UTS2B: variants seen among roughly 807,000 people sequenced by gnomAD.
UTS2B encodes urotensin-2B.
UTS2B carries 21 observed loss-of-function variants against 19.2 expected under a neutral mutation model. That is an observed-to-expected ratio of 1.09 (90% CI 0.78 to 1.58). The LOEUF (loss-of-function observed/expected upper bound fraction) is 1.58. Ranked by LOEUF, UTS2B falls within the 40% of genes most tolerant of loss-of-function variation. The pLI is 0.00. For synonymous variants in UTS2B, 57 were observed against 50.2 expected (o/e 1.14, Z -0.58); for missense variants, 138 against 130.3 (o/e 1.06, Z -0.29).
chr3:191,332,280 A>G (rs369474582), upstream of UTS2B, among the ~76,000 whole-genome samples: 1 of 152,198 alleles, frequency 6.6e-6, no homozygotes, highest in East Asian at 1.9e-4. Flanking sequence ...CATCATTTGG[A>G]CAGACCTTTT....
At chr3:191,286,239 T>C (rs899456297) in intron 4 of UTS2B, among the ~76,000 whole-genome samples, 5 of 152,118 alleles carry the variant, frequency 3.3e-5, no homozygotes, top group African/African-American at 1.2e-4. Flanking sequence ...AGAAAATCAA[T>C]AGGGAAGCAT....
intron 4 of UTS2B, among the ~76,000 whole-genome samples, chr3:191,285,695 A>G (rs1404787671): frequency 6.6e-6 from 1 of 152,068 alleles, no homozygotes; most frequent in African/African-American, 2.4e-5. Context: ...AGGACAGGAG[A>G]TCAAGACCAT....
At chr3:191,304,104 T>TGC (rs1279727431) in intron 4 of UTS2B, among the ~76,000 whole-genome samples, 1 of 152,054 alleles carries the variant, frequency 6.6e-6, no homozygotes, top group East Asian at 1.9e-4. Flanking sequence ...ATTACAGGCA[T>TGC]GCGCCACCAT....
chr3:191,287,445 T>C (rs1203852381), intron 4 of UTS2B, among the ~76,000 whole-genome samples: 3 of 152,064 alleles, frequency 2.0e-5, no homozygotes, highest in Admixed American at 1.3e-4. Context: ...AAGGATGTTT[T>C]ACATACACAA....
chr3:191,311,649 C>T (rs1024586912), intron 3 of UTS2B, among the ~76,000 whole-genome samples: 5 of 152,240 alleles, frequency 3.3e-5, no homozygotes, highest in African/African-American at 1.2e-4. Flanking sequence ...GTAGCAGCAT[C>T]TTCCACTGAT....
intron 3 of UTS2B, among the ~76,000 whole-genome samples, chr3:191,308,198 C>T (rs1323633573): frequency 2.6e-5 from 4 of 152,104 alleles, no homozygotes; most frequent in African/African-American, 4.8e-5. Context: ...ATGAGAATGG[C>T]GAGAGCTATC....
chr3:191,276,749 A>G (rs1716246246), intron 7 of UTS2B, 58 bp downstream of exon 7: 1 of 1,429,818 alleles, frequency 7.0e-7, no homozygotes, highest in Admixed American at 1.9e-5. Context: ...TTGTGTCAAG[A>G]AGAAATTTCC....
chr3:191,318,080 T>G (rs1717515572), intron 2 of UTS2B, among the ~76,000 whole-genome samples: 1 of 152,206 alleles, frequency 6.6e-6, no homozygotes, highest in Non-Finnish European at 1.5e-5. Flanking sequence ...TGGAGGGTTA[T>G]AATGTCGTAC....
Position 191,305,925 on chromosome 3 carries a change from T to C in UTS2B, c.-181-1377A>G, listed in dbSNP as rs1226037663. 2.6e-5 allele frequency among the ~76,000 whole-genome samples: 4 copies of C among 152,314 alleles called. No homozygotes were observed. The South Asian group carries it at 8.3e-4, about 32-fold the overall frequency. ...CACCATTTATTAAATAAGACTTTTT[T>C]CCCCGTTGCTTTTTTTTGGGGGGTC... is the stretch of plus-strand genomic sequence containing the variant. On this transcript the variant is annotated intron_variant, in intron 3 of 8. Coordinates refer to ENST00000340524, the MANE Select transcript of UTS2B (RefSeq NM_198152.5).
intron 4 of UTS2B, among the ~76,000 whole-genome samples, chr3:191,298,250 C>T (rs1716907641): frequency 1.3e-5 from 2 of 152,112 alleles, no homozygotes; most frequent in Admixed American, 6.5e-5. Flanking sequence ...ACAGTCACTG[C>T]TTTAACTTGG....
intron 2 of UTS2B, among the ~76,000 whole-genome samples, chr3:191,323,232 A>G (rs1717657223): frequency 6.6e-6 from 1 of 152,056 alleles, no homozygotes. Flanking sequence ...TCTGTTGCCC[A>G]GGCTAGAGAT....
intron 4 of UTS2B, among the ~76,000 whole-genome samples, chr3:191,285,658 T>A (rs1716523738): frequency 6.6e-6 from 1 of 152,112 alleles, no homozygotes; most frequent in Non-Finnish European, 1.5e-5. Context: ...TCTCAGCACT[T>A]TGGGAGGCTG....
intron 4 of UTS2B, among the ~76,000 whole-genome samples, chr3:191,289,447 T>TAAATAAATAAATA: frequency 6.9e-6 from 1 of 144,668 alleles, no homozygotes; most frequent in East Asian, 2.0e-4. Flanking sequence ...AATAAATAAA[T>TAAATAAATAAATA]AAAAAACAAA....
chr3:191,337,505 C>T, the UTS2B span, among the ~76,000 whole-genome samples: 1 of 151,924 alleles, frequency 6.6e-6, no homozygotes, highest in Non-Finnish European at 1.5e-5. Context: ...CCACTATGCC[C>T]AGCTAATTTT....
At chr3:191,315,834 T>C (rs1000282294) in intron 3 of UTS2B, among the ~76,000 whole-genome samples, 3 of 152,232 alleles carry the variant, frequency 2.0e-5, no homozygotes. Flanking sequence ...TATGAAAAAT[T>C]AAATAATCAC....
chr3:191,281,329 A>G (rs1716379062), intron 5 of UTS2B, among the ~76,000 whole-genome samples: 1 of 152,198 alleles, frequency 6.6e-6, no homozygotes, highest in Admixed American at 6.5e-5. Context: ...AAAGAAATGT[A>G]TTAAAGTTTC....
At chr3:191,317,766 G>T (rs1278060802) in intron 2 of UTS2B, among the ~76,000 whole-genome samples, 1 of 152,138 alleles carries the variant, frequency 6.6e-6, no homozygotes, top group Non-Finnish European at 1.5e-5. Context: ...TTTTAGTAGA[G>T]ACGGTGTTTC....
intron 2 of UTS2B, 133 bp downstream of exon 2, chr3:191,328,498 G>A (rs1717812385): frequency 6.6e-6 from 1 of 152,186 alleles, no homozygotes; most frequent in Non-Finnish European, 1.5e-5. Context: ...TATGTACCCA[G>A]GAAAGTATTC....
chr3:191,340,164 T>A, the UTS2B span, among the ~76,000 whole-genome samples: 7 of 152,194 alleles, frequency 4.6e-5, no homozygotes. Context: ...TCCTCACAGG[T>A]CAGGACATGA....
Sources: allele counts gnomAD v4.1 joint callset (sites outside exome capture counted in the v4.1 genomes callset), GRCh38; gene constraint gnomAD v4.1.1; transcripts MANE v1.5; gene names NCBI Gene and HGNC (gene_info 2026-07-23, HGNC 2026-07-21).